The following DHX8 variants were observed in gnomAD, a reference collection of about 807,000 sequenced individuals.
The protein encoded by DHX8 is ATP-dependent RNA helicase DHX8.
Under a neutral mutation model 140.7 loss-of-function variants are expected in DHX8, and 67 were observed. The observed-to-expected ratio is 0.48, with a 90% CI of 0.39 to 0.58. The LOEUF (loss-of-function observed/expected upper bound fraction) is 0.58, where lower values mean the gene tolerates loss of function less well. DHX8 is among the 20% of genes least tolerant of loss of function. The probability of loss-of-function intolerance (pLI) is 0.00; values close to 1 mark genes in which losing one functional copy is unlikely to be tolerated. For missense variants in DHX8, 887 were observed against 1,550.7 expected (o/e 0.57, Z 7.19); for synonymous variants, 533 against 553.2 (o/e 0.96, Z 0.51).
Position 43,492,942 on chromosome 17 carries a change from C to G in DHX8, c.765C>G (p.Asp255Glu). ...ATAGATGGCGGGATAAGCATGTGGA[C>G]CGCCCTCCTCCAGAAGAGCCCACCA... ...NLDRWRDKHV[D>E]RPPPEEPTIG... The change falls in exon 6 of 23, where the codon GAC (aspartate) becomes GAG (glutamate). Residue 255 changes from aspartate (D) to glutamate (E), a missense_variant. Asp to Glu is a conservative substitution (Grantham distance 45). Coordinates refer to ENST00000262415, the MANE Select transcript of DHX8 (RefSeq NM_004941.3). The G allele has an allele frequency of 6.2e-7, 1 of 1,614,138 alleles. No homozygotes were observed. Among genetic ancestry groups the G allele is most frequent in the Non-Finnish European group, 8.5e-7 (1 of 1,180,026 alleles).
chr17:43,528,443 G>A (rs1215898641), downstream of DHX8: 3 of 1,044,196 alleles, frequency 2.9e-6, no homozygotes, highest in Admixed American at 8.0e-5. Context: ...TCAGATGAAG[G>A]TTTCCCCAAC....
chr17:43,528,500 G>A (rs778891947), downstream of DHX8: 7 of 1,542,274 alleles, frequency 4.5e-6, no homozygotes, highest in African/African-American at 8.2e-5. Context: ...CCTGCGGCAG[G>A]GGGAACAGCC....
intron 8 of DHX8, 137 bp downstream of exon 8, chr17:43,494,023 G>A (rs1171253659): frequency 6.1e-6 from 5 of 816,006 alleles, no homozygotes; most frequent in East Asian, 5.3e-5. Flanking sequence ...TGATAAAGAC[G>A]TACCTGAGAC....
chr17:43,514,249 G>T (rs183536094), intron 17 of DHX8, among the ~76,000 whole-genome samples: 3 of 152,258 alleles, frequency 2.0e-5, no homozygotes, highest in African/African-American at 7.2e-5. Flanking sequence ...AGAGTCTGAG[G>T]TGGGAGGATC....
At position 43,523,643 on chromosome 17, in the gene DHX8, G is replaced by A. The variant is rs778089854; in HGVS notation, c.3459G>A (p.Glu1153=). The A allele has an allele frequency of 1.2e-6, 2 of 1,614,156 alleles. No homozygotes were observed. The highest frequency in any genetic ancestry group is 1.3e-5 in the African/African-American group (1 of 75,036). The change falls in exon 23 of 23, where the codon GAG becomes GAA. Residue 1153 remains glutamate, a synonymous_variant. Transcript: ENST00000262415. ...NRQPEWVVYH[E]LVLTTKEYMR... Reference sequence around the variant, plus strand: ...CCCCCCTCAGGGTGGTGTACCATGAGCTGGTGCTCACCACCAAGGAATACA... The same window carrying A: ...CCCCCCTCAGGGTGGTGTACCATGAACTGGTGCTCACCACCAAGGAATACA...
chr17:43,529,398 G>A (rs1323697639), downstream of DHX8: 1 of 1,453,888 alleles, frequency 6.9e-7, no homozygotes, highest in South Asian at 1.3e-5. Context: ...TTCAGGTTAG[G>A]TAAAGCAAGA....
At chr17:43,495,150 G>A (rs909262740) in intron 8 of DHX8, among the ~76,000 whole-genome samples, 11 of 152,028 alleles carry the variant, frequency 7.2e-5, no homozygotes, top group African/African-American at 2.2e-4. Flanking sequence ...TAACATAACC[G>A]TGGTGTGTCA....
chr17:43,532,307 T>C (rs1434380021), intron 2 of DHX8, among the ~76,000 whole-genome samples: 1 of 152,210 alleles, frequency 6.6e-6, no homozygotes, highest in East Asian at 1.9e-4. Context: ...GAGACCATCC[T>C]GGCCAGCATG....
intron 9 of DHX8, 89 bp from the exon 10 acceptor site, chr17:43,498,773 T>G: frequency 3.8e-6 from 4 of 1,052,810 alleles, no homozygotes; most frequent in East Asian, 2.7e-5. Flanking sequence ...TTGATAAAGA[T>G]TGTTGGTACC....
chr17:43,522,998 G>C (rs1970456064), intron 22 of DHX8, among the ~76,000 whole-genome samples: 1 of 148,742 alleles, frequency 6.7e-6, no homozygotes, highest in South Asian at 2.1e-4. Context: ...GGGAGGCAGA[G>C]GTTGCAGTGA....
chr17:43,528,725 C>G, downstream of DHX8: 2 of 1,614,130 alleles, frequency 1.2e-6, no homozygotes, highest in Non-Finnish European at 1.7e-6. Context: ...AACTTGTACA[C>G]GTAACGCTCA....
At chr17:43,537,541 A>T (rs1212057855) in intron 3 of DHX8, among the ~76,000 whole-genome samples, 2 of 151,436 alleles carry the variant, frequency 1.3e-5, no homozygotes, top group African/African-American at 2.4e-5. Flanking sequence ...CTAAAAAATT[A>T]AAAAATTAGT....
intron 1 of DHX8, among the ~76,000 whole-genome samples, chr17:43,485,479 ATG>A (rs1387383583): frequency 6.6e-6 from 1 of 152,024 alleles, no homozygotes; most frequent in African/African-American, 2.4e-5. Context: ...CCCAGCCAAG[ATG>A]TGTCTGTCCT....
intron 21 of DHX8, 67 bp from the exon 22 acceptor site, chr17:43,521,980 C>T (rs1970392454): frequency 6.5e-7 from 1 of 1,537,498 alleles, no homozygotes; most frequent in Non-Finnish European, 8.9e-7. Context: ...ATGTGTTGGG[C>T]ACTGTCATTG....
At chr17:43,543,105 T>C (rs926311505) in intron 3 of DHX8, among the ~76,000 whole-genome samples, 9 of 151,618 alleles carry the variant, frequency 5.9e-5, no homozygotes, top group Non-Finnish European at 7.4e-5. Flanking sequence ...CCCTCAGACC[T>C]GGCCATCCAT....
intron 2 of DHX8, among the ~76,000 whole-genome samples, chr17:43,535,552 C>T (rs1020614922): frequency 3.9e-5 from 6 of 152,234 alleles, no homozygotes; most frequent in East Asian, 1.9e-4. Context: ...GCTGGGATTA[C>T]AGGCGTGAGC....
intron 17 of DHX8, among the ~76,000 whole-genome samples, chr17:43,514,186 T>TA (rs1406347295): frequency 5.2e-5 from 7 of 133,544 alleles, no homozygotes; most frequent in African/African-American, 1.5e-4. Context: ...TATAAAAAAT[T>TA]TAAAAAAAAT....
intron 9 of DHX8, among the ~76,000 whole-genome samples, chr17:43,496,574 T>C (rs1203633730): frequency 6.6e-6 from 1 of 152,056 alleles, no homozygotes; most frequent in African/African-American, 2.4e-5. Context: ...GGTTAGGAGT[T>C]TGAAACCAGC....
intron 16 of DHX8, among the ~76,000 whole-genome samples, chr17:43,510,140 C>T (rs1336951382): frequency 6.6e-6 from 1 of 151,936 alleles, no homozygotes; most frequent in East Asian, 1.9e-4. Context: ...CCTCCGCCTC[C>T]CAGATTCAAG....
Sources: allele counts gnomAD v4.1 joint callset (sites outside exome capture counted in the v4.1 genomes callset), GRCh38; gene constraint gnomAD v4.1.1; transcripts MANE v1.5; gene names NCBI Gene and HGNC (gene_info 2026-07-23, HGNC 2026-07-21).